INPP5A: variants seen among roughly 807,000 people sequenced by gnomAD.
INPP5A encodes the protein 43 kDa inositol polyphosphate 5-phophatase.
In INPP5A, 14 loss-of-function variants were observed where a neutral mutation model predicts 65.2. The observed-to-expected ratio is 0.21, with a 90% CI of 0.14 to 0.34. INPP5A has a LOEUF of 0.34. Among genes scored for constraint, INPP5A ranks in the 10% least tolerant of loss-of-function variants. INPP5A has a pLI of 1.00. For synonymous variants in INPP5A, 207 were observed against 208.3 expected, an observed-to-expected ratio of 0.99 and a Z score of 0.05; for missense variants, 431 against 545.6, an observed-to-expected ratio of 0.79 and a Z score of 2.09.
chr10:132,585,082 T>C (rs748769898), intron 1 of INPP5A, among the ~76,000 whole-genome samples: 3 of 152,262 alleles, frequency 2.0e-5, no homozygotes, highest in Non-Finnish European at 4.4e-5. Flanking sequence ...TTAACAGGAC[T>C]GCAGTTGATT....
At chr10:132,764,957 C>T (rs1257423010) in intron 11 of INPP5A, among the ~76,000 whole-genome samples, 106 of 127,938 alleles carry the variant, frequency 8.3e-4, no homozygotes, top group Non-Finnish European at 1.3e-3. Context: ...CTCAGGAACA[C>T]GGTCGGGTCA....
chr10:132,657,656 C>T (rs2072675770), intron 4 of INPP5A, among the ~76,000 whole-genome samples: 1 of 152,226 alleles, frequency 6.6e-6, no homozygotes, highest in East Asian at 1.9e-4. Flanking sequence ...TCTGTGAGCT[C>T]CCCCTTCCAC....
intron 3 of INPP5A, among the ~76,000 whole-genome samples, chr10:132,648,316 G>A (rs1047791938): frequency 7.2e-5 from 11 of 152,246 alleles, no homozygotes; most frequent in Admixed American, 2.0e-4. Context: ...TGGCCCCCAC[G>A]GCCTTGTGCC....
intron 12 of INPP5A, among the ~76,000 whole-genome samples, chr10:132,766,414 A>G (rs1846846230): frequency 6.6e-6 from 1 of 152,156 alleles, no homozygotes; most frequent in Non-Finnish European, 1.5e-5. Context: ...GGGCCTCCAA[A>G]TGCAGTGTGT....
intron 14 of INPP5A, among the ~76,000 whole-genome samples, chr10:132,781,642 C>T (rs1847163150): frequency 6.6e-6 from 1 of 152,198 alleles, no homozygotes; most frequent in African/African-American, 2.4e-5. Context: ...CTCTCATGGC[C>T]GGCCTGGCTC....
chr10:132,557,932 C>T (rs889800100), intron 1 of INPP5A, among the ~76,000 whole-genome samples: 7 of 152,196 alleles, frequency 4.6e-5, no homozygotes, highest in East Asian at 3.9e-4. Context: ...CAGTCTGTCC[C>T]GCGTGCCCGC....
intron 8 of INPP5A, among the ~76,000 whole-genome samples, chr10:132,716,507 G>A (rs894945059): frequency 6.6e-6 from 1 of 152,242 alleles, no homozygotes; most frequent in Non-Finnish European, 1.5e-5. Context: ...CATGGGACTC[G>A]CTGCCGGCTG....
At chr10:132,639,581 G>A (rs2072400705) in intron 2 of INPP5A, among the ~76,000 whole-genome samples, 1 of 152,182 alleles carries the variant, frequency 6.6e-6, no homozygotes, top group Non-Finnish European at 1.5e-5. Flanking sequence ...ATCTTGTTAT[G>A]CACTCACTGA....
At chr10:132,725,419 G>T (rs1845968690) in intron 8 of INPP5A, among the ~76,000 whole-genome samples, 1 of 152,232 alleles carries the variant, frequency 6.6e-6, no homozygotes, top group African/African-American at 2.4e-5. Context: ...CCAACCCGAG[G>T]GTGGAGGTGT....
In INPP5A at chr10:132,651,040, G is replaced by A. The variant is rs1303904441; in HGVS notation, c.306+535G>A. On this transcript the variant is annotated intron_variant, in intron 4 of 15. Transcript: ENST00000368594. The surrounding 1 kb of genome is among the most constrained non-coding windows in gnomAD (Gnocchi z 5.0). ...TGGGAAAGACCTGTCCCTCCTCTGC[G>A]GTCCTCTGTCAGGTGGACACATGAG... 2.6e-5 allele frequency among the ~76,000 whole-genome samples: 4 copies of A among 152,110 alleles called. No homozygotes were observed. Among genetic ancestry groups the A allele is most frequent in the Non-Finnish European group, 5.9e-5 (4 of 68,008 alleles).
intron 9 of INPP5A, among the ~76,000 whole-genome samples, chr10:132,745,982 C>T (rs1052782752): frequency 2.6e-5 from 4 of 152,032 alleles, no homozygotes; most frequent in Non-Finnish European, 4.4e-5. Context: ...CACCCAGCCT[C>T]GCCTACCCTG....
intron 2 of INPP5A, among the ~76,000 whole-genome samples, chr10:132,634,276 CGG>C (rs2072310359): frequency 6.7e-6 from 1 of 149,496 alleles, no homozygotes; most frequent in Non-Finnish European, 1.5e-5. Flanking sequence ...AGGTGTGCCC[CGG>C]AGAGGCGTAT....
intron 4 of INPP5A, among the ~76,000 whole-genome samples, chr10:132,683,428 G>A (rs937633878): frequency 9.2e-5 from 14 of 152,032 alleles, no homozygotes; most frequent in East Asian, 3.9e-4. Context: ...ACGTGTCTGC[G>A]GTGACACAGC....
intron 9 of INPP5A, among the ~76,000 whole-genome samples, chr10:132,728,336 A>T (rs1056960578): frequency 5.3e-5 from 8 of 152,130 alleles, no homozygotes; most frequent in Admixed American, 4.6e-4. Context: ...TGTCAAATGG[A>T]TCGGTCTCTG....
intron 1 of INPP5A, among the ~76,000 whole-genome samples, chr10:132,572,707 CAG>C (rs534299107): frequency 6.6e-6 from 1 of 152,124 alleles, no homozygotes; most frequent in Non-Finnish European, 1.5e-5. Flanking sequence ...GCGTTTATAA[CAG>C]GACAGGATTC....
chr10:132,774,868 GGGCAGGGAGGAGA>G lies in INPP5A; in HGVS notation c.978-2790_978-2778del, dbSNP rs773754110. 4.9e-3 allele frequency among the ~76,000 whole-genome samples: 473 copies of G among 97,466 alleles called. 25 individuals carry two copies. The highest frequency in any genetic ancestry group is 8.5e-3 in the Non-Finnish European group (376 of 43,992). 63.9% of individuals were successfully genotyped at this position (97,466 alleles called of 152,430 possible). A position where few individuals can be genotyped will look rare whatever the true frequency, so the allele number is the denominator to read the frequency against. On this transcript the variant is annotated intron_variant, in intron 12 of 15. Transcript: ENST00000368594. ...GTAGGGAGAGACGGGCAGGGAGGAG[GGGCAGGGAGGAGA>G]GGCAGGGAGGAGGGGCAGGGAGGAG... is the stretch of plus-strand genomic sequence containing the variant.
At position 132,572,587 on chromosome 10, in the gene INPP5A, G is replaced by A. The variant is rs541782267; in HGVS notation, c.75+34416G>A. Among the ~76,000 whole-genome samples the A allele has an allele frequency of 2.6e-5, 4 of 151,248 alleles. No individual in the cohort carries two copies. In the East Asian group the frequency reaches 5.8e-4, roughly 22 times the overall value. ...CCAGGGCTCTTGGTGGGGATGTGCC[G>A]TTTGCTCTTTTTCATGTGTCTAGCC... On this transcript the variant is annotated intron_variant, in intron 1 of 15. Coordinates refer to ENST00000368594, the MANE Select transcript of INPP5A (RefSeq NM_005539.5).
chr10:132,580,155 T>A (rs987656052), intron 1 of INPP5A, among the ~76,000 whole-genome samples: 3 of 152,092 alleles, frequency 2.0e-5, no homozygotes, highest in Admixed American at 2.0e-4. Flanking sequence ...TGGGTTCTGT[T>A]TAAGAAGGAA....
chr10:132,779,582 G>C (rs967198626), intron 13 of INPP5A, among the ~76,000 whole-genome samples: 14 of 152,220 alleles, frequency 9.2e-5, no homozygotes, highest in African/African-American at 2.7e-4. Flanking sequence ...TCTGGATCCG[G>C]GACTTGACAC....
Sources: allele counts gnomAD v4.1 joint callset (sites outside exome capture counted in the v4.1 genomes callset), GRCh38; gene constraint gnomAD v4.1.1; non-coding constraint Gnocchi (gnomAD v3.1); transcripts MANE v1.5; gene names NCBI Gene and HGNC (gene_info 2026-07-23, HGNC 2026-07-21).